The following AHSA1 variants were observed in gnomAD, a reference collection of about 807,000 sequenced individuals.
AHSA1 encodes the protein activator of HSP90 ATPase activity 1, also known as activator of 90 kDa heat shock protein ATPase homolog 1.
AHSA1 carries 14 observed loss-of-function variants against 46.1 expected under a neutral mutation model. The observed-to-expected ratio is 0.30, with a 90% CI of 0.20 to 0.47. AHSA1 has a LOEUF of 0.47. Among genes scored for constraint, AHSA1 ranks in the 20% least tolerant of loss-of-function variants. The probability of loss-of-function intolerance (pLI) is 0.99; values close to 1 mark genes in which losing one functional copy is unlikely to be tolerated. For missense variants in AHSA1, 333 were observed against 415.9 expected, an observed-to-expected ratio of 0.80 and a Z score of 1.73; for synonymous variants, 147 against 145.8, an observed-to-expected ratio of 1.01 and a Z score of -0.06.
At position 77,462,582 on chromosome 14, in the gene AHSA1, C is replaced by T. The variant is rs995128451; in HGVS notation, c.355-60C>T. 9 of 1,484,188 alleles carry T rather than the reference C, an allele frequency of 6.1e-6. No individual in the cohort carries two copies. In the African/African-American group the frequency reaches 1.2e-4, roughly 21 times the overall value. The allele number at this position is 1,484,188 out of a possible 1,614,324, so 91.9% of individuals were successfully genotyped here. A position where few individuals can be genotyped will look rare whatever the true frequency, so the allele number is the denominator to read the frequency against. ...CAGTCACCTGATTGCTCAGCCCCCA[C>T]ATTCCATAATGAGGGTGCCCCTCAA... On this transcript the variant is annotated intron_variant, in intron 3 of 8. Transcript: ENST00000216479.
chr14:77,462,505 T>C (rs1048294452), intron 3 of AHSA1, 137 bp from the exon 4 acceptor site: 1 of 851,470 alleles, frequency 1.2e-6, no homozygotes, highest in Non-Finnish European at 2.0e-6. Flanking sequence ...GGAACACTAA[T>C]GGGGATTGTA....
chr14:77,463,585 CAAAAAAAAAAAAAACA>C (rs2079035103), intron 4 of AHSA1, among the ~76,000 whole-genome samples: 1 of 75,084 alleles, frequency 1.3e-5, no homozygotes, highest in East Asian at 1.5e-3. Context: ...GACTCCATCT[CAAAAAAAAAAAAAACA>C]AAAAAAAAAC....
intron 4 of AHSA1, chr14:77,463,027 C>A (rs934901084): frequency 1.8e-5 from 6 of 334,604 alleles, no homozygotes; most frequent in African/African-American, 4.2e-5. Flanking sequence ...CACTTGTAAT[C>A]CCAGCACTGT....
intron 1 of AHSA1, among the ~76,000 whole-genome samples, chr14:77,459,330 TGTTAAA>T (rs1479051403): frequency 1.3e-5 from 2 of 152,220 alleles, no homozygotes; most frequent in Non-Finnish European, 2.9e-5. Flanking sequence ...GGGGGCGCCA[TGTTAAA>T]GTATCAAGTA....
intron 8 of AHSA1, 47 bp from the exon 9 acceptor site, chr14:77,469,030 A>G: frequency 6.2e-7 from 1 of 1,602,884 alleles, no homozygotes. Flanking sequence ...TCTTAAACTC[A>G]GATGGAAACC....
intron 5 of AHSA1, among the ~76,000 whole-genome samples, chr14:77,465,065 C>G (rs2079042160): frequency 6.6e-6 from 1 of 152,076 alleles, no homozygotes; most frequent in Non-Finnish European, 1.5e-5. Flanking sequence ...GAGTTACATC[C>G]CTGTCTTCAC....
chr14:77,463,605 A>C (rs1450691160), intron 4 of AHSA1, among the ~76,000 whole-genome samples: 2 of 151,672 alleles, frequency 1.3e-5, no homozygotes, highest in Admixed American at 6.6e-5. Flanking sequence ...AAAAACAAAA[A>C]AAAAACTGTA....
At position 77,462,193 on chromosome 14, in the gene AHSA1, A is replaced by C; in HGVS notation, c.305A>C (p.His102Pro). 1 of 1,613,738 alleles carries C rather than the reference A, an allele frequency of 6.2e-7. No individual in the cohort carries two copies. Residue 102 changes from histidine to proline, a missense_variant, in exon 3 of 9, where the codon CAT (histidine) becomes CCT (proline). His to Pro is a moderately conservative substitution (Grantham distance 77). Transcript: ENST00000216479. ...AAGTCAGGAGTACAATACAAAGGAC[A>C]TGTGGAGATCCCCAATTTGTCTGAT... ...TSKSGVQYKG[H>P]VEIPNLSDEN...
At chr14:77,461,347 G>A (rs1293106581) in intron 2 of AHSA1, among the ~76,000 whole-genome samples, 1 of 151,802 alleles carries the variant, frequency 6.6e-6, no homozygotes, top group Non-Finnish European at 1.5e-5. Context: ...TGGCCAACAT[G>A]GTGAAACCCC....
Position 77,458,547 on chromosome 14 carries a change from CCCG to C in AHSA1, c.80+279_80+281del, listed in dbSNP as rs2079000376. Among the ~76,000 whole-genome samples the C allele has an allele frequency of 2.0e-5, 3 of 152,334 alleles. No homozygotes were observed. The South Asian group carries it at 6.2e-4, about 32-fold the overall frequency. Reference sequence around the variant, plus strand: ...ATAACGCCCTGGCTGCTGCATCCAGCCCGAGCAGGGAGGTGCTTATTACACGTG... The same window carrying C: ...ATAACGCCCTGGCTGCTGCATCCAGCAGCAGGGAGGTGCTTATTACACGTG... On this transcript the variant is annotated intron_variant, in intron 1 of 8. Coordinates refer to ENST00000216479, the MANE Select transcript of AHSA1 (RefSeq NM_012111.3).
chr14:77,464,064 G>A (rs17824316), intron 4 of AHSA1, among the ~76,000 whole-genome samples: 65,677 of 152,194 alleles, frequency 0.43, 16,769 homozygotes, highest in East Asian at 0.92. Flanking sequence ...GTTTCCAGTT[G>A]AGTCAGGATA....
At chr14:77,461,333 C>T (rs951612147) in intron 2 of AHSA1, among the ~76,000 whole-genome samples, 3 of 151,946 alleles carry the variant, frequency 2.0e-5, no homozygotes, top group Non-Finnish European at 4.4e-5. Flanking sequence ...ATTGGAGACA[C>T]ACCTGGCCAA....
chr14:77,462,946 T>C (rs1004683929), intron 4 of AHSA1, 187 bp downstream of exon 4: 92 of 532,742 alleles, frequency 1.7e-4, no homozygotes, highest in Middle Eastern at 1.1e-3. Flanking sequence ...TGCCTAATAA[T>C]GATGGTTGAG....
In AHSA1 at chr14:77,469,321, A is replaced by C; in HGVS notation, c.*72A>C. 4 of 1,554,094 alleles carry C rather than the reference A, an allele frequency of 2.6e-6. No individual in the cohort carries two copies. The highest frequency in any genetic ancestry group is 2.6e-6 in the Non-Finnish European group (3 of 1,145,068). ...CTCTCCTGACTGGGGCTTGCGACTCACAGGATTGCATCGTCCCAGCTGCTA... is the reference window on the plus strand; with the variant it reads ...CTCTCCTGACTGGGGCTTGCGACTCCCAGGATTGCATCGTCCCAGCTGCTA... On this transcript the variant is annotated 3_prime_UTR_variant, in exon 9 of 9. Coordinates refer to ENST00000216479, the MANE Select transcript of AHSA1 (RefSeq NM_012111.3).
upstream of AHSA1, chr14:77,457,926 C>CT (rs906554454): frequency 2.6e-5 from 13 of 505,972 alleles, no homozygotes; most frequent in African/African-American, 2.0e-5. Flanking sequence ...TTTCGGGACG[C>CT]TTTTTGGGGA....
chr14:77,463,007 C>T (rs372802110), intron 4 of AHSA1: 23 of 376,488 alleles, frequency 6.1e-5, no homozygotes, highest in Admixed American at 3.2e-4. Flanking sequence ...TGGCCTGGCG[C>T]GGTGGCTCAC....
At chr14:77,468,618 A>T (rs764100108) in intron 8 of AHSA1, 110 bp downstream of exon 8, 11 of 991,976 alleles carry the variant, frequency 1.1e-5, no homozygotes, top group Non-Finnish European at 1.4e-5. Flanking sequence ...GCTAGAGTGC[A>T]GTGGCATAAT....
At chr14:77,458,746 A>G (rs1052430718) in intron 1 of AHSA1, among the ~76,000 whole-genome samples, 2 of 152,252 alleles carry the variant, frequency 1.3e-5, no homozygotes, top group Non-Finnish European at 2.9e-5. Flanking sequence ...CGTGTTGTGC[A>G]GGTGCTCAGA....
intron 4 of AHSA1, among the ~76,000 whole-genome samples, chr14:77,463,529 T>G (rs1406651147): frequency 1.4e-5 from 2 of 144,208 alleles, no homozygotes; most frequent in African/African-American, 5.3e-5. Flanking sequence ...AAGGTTGCGG[T>G]GAGCCAAGAA....
Sources: allele counts gnomAD v4.1 joint callset (sites outside exome capture counted in the v4.1 genomes callset), GRCh38; gene constraint gnomAD v4.1.1; transcripts MANE v1.5; gene names NCBI Gene and HGNC (gene_info 2026-07-23, HGNC 2026-07-21).